The following SYNPR variants were observed in gnomAD, a reference collection of about 807,000 sequenced individuals.
SYNPR encodes synaptoporin.
SYNPR carries 23 observed loss-of-function variants against 32.9 expected under a neutral mutation model. The observed-to-expected ratio is 0.70, with a 90% confidence interval of 0.50 to 0.99. The LOEUF is 0.99. Among genes scored for constraint, SYNPR ranks in the 50% least tolerant of loss-of-function variants. The probability of loss-of-function intolerance (pLI) is 0.00; values close to 1 mark genes in which losing one functional copy is unlikely to be tolerated. For synonymous variants in SYNPR, 146 were observed against 135.9 expected, an observed-to-expected ratio of 1.07 and a Z score of -0.52; for missense variants, 318 against 349.3, an observed-to-expected ratio of 0.91 and a Z score of 0.71.
At chr3:63,407,663 G>A (rs1192548788) in intron 2 of SYNPR, among the ~76,000 whole-genome samples, 1 of 151,952 alleles carries the variant, frequency 6.6e-6, no homozygotes. Flanking sequence ...TTTGCTCAAG[G>A]AAAAAAATAT....
Position 63,317,155 on chromosome 3 carries a change from A to C in SYNPR, c.84+38413A>C, listed in dbSNP as rs146702986. ...TGTGGCTCATTTTATGGCCTATCAT[A>C]TGATCTGTCTTGGAGAAAGTTCCAT... On this transcript the variant is annotated intron_variant, in intron 2 of 5. Coordinates refer to ENST00000478300, the MANE Select transcript of SYNPR (RefSeq NM_001130003.2). Among the ~76,000 whole-genome samples, 935 of 152,090 alleles carry C rather than the reference A, an allele frequency of 6.1e-3. 13 individuals carry two copies. Among genetic ancestry groups the C allele is most frequent in the African/African-American group, 0.02 (839 of 41,536 alleles).
At chr3:63,416,818 T>C (rs1233157825) in intron 2 of SYNPR, among the ~76,000 whole-genome samples, 1 of 152,130 alleles carries the variant, frequency 6.6e-6, no homozygotes, top group Non-Finnish European at 1.5e-5. Flanking sequence ...ACTTATTCAC[T>C]ATCACAAGAA....
intron 2 of SYNPR, among the ~76,000 whole-genome samples, chr3:63,417,935 G>A (rs1358921698): frequency 6.6e-6 from 1 of 152,198 alleles, no homozygotes. Flanking sequence ...ATACTCTGGA[G>A]ACATTTTCTA....
At chr3:63,343,362 A>G (rs1483282259) in intron 2 of SYNPR, among the ~76,000 whole-genome samples, 1 of 152,146 alleles carries the variant, frequency 6.6e-6, no homozygotes, top group African/African-American at 2.4e-5. Flanking sequence ...GCCGAGGAAC[A>G]TATTATGAAG....
intron 4 of SYNPR, among the ~76,000 whole-genome samples, chr3:63,597,123 C>A (rs1236070424): frequency 3.3e-5 from 5 of 152,106 alleles, no homozygotes; most frequent in Admixed American, 6.6e-5. Flanking sequence ...ACTGTGGCTA[C>A]TTTAAAGCTT....
intron 2 of SYNPR, among the ~76,000 whole-genome samples, chr3:63,445,042 C>T (rs1488303667): frequency 6.6e-6 from 1 of 151,852 alleles, no homozygotes; most frequent in Non-Finnish European, 1.5e-5. Flanking sequence ...TGGAACATCA[C>T]CTCTTCCCCT....
chr3:63,336,045 C>G (rs2087290293), intron 2 of SYNPR, among the ~76,000 whole-genome samples: 1 of 151,980 alleles, frequency 6.6e-6, no homozygotes, highest in South Asian at 2.1e-4. Flanking sequence ...CATTAGCTTC[C>G]TTTTTTATGT....
intron 2 of SYNPR, among the ~76,000 whole-genome samples, chr3:63,286,547 T>C (rs1426598701): frequency 8.5e-6 from 1 of 117,400 alleles, no homozygotes; most frequent in Non-Finnish European, 1.8e-5. Context: ...TAGTTCTTTG[T>C]TCTGCAGACG....
At chr3:63,316,842 T>C (rs2087048154) in intron 2 of SYNPR, among the ~76,000 whole-genome samples, 1 of 152,050 alleles carries the variant, frequency 6.6e-6, no homozygotes, top group Non-Finnish European at 1.5e-5. Context: ...GTTTGTGCTC[T>C]TTCAATCTTT....
In SYNPR at chr3:63,615,303, G is replaced by A; in HGVS notation, c.680G>A (p.Gly227Glu). ...VFKETGWHSS[G>E]QRYLSDPMEK... ...AAGGAGACCGGCTGGCATTCTTCGG[G>A]ACAGAGATATCTTTCAGATCCAATG... The change falls in exon 6 of 6, where the codon GGA (glycine) becomes GAA (glutamate). Residue 227 changes from glycine to glutamate, a missense_variant. By Grantham distance (98) the Gly-to-Glu change is moderately conservative. Transcript: ENST00000478300. 1 of 1,613,816 alleles carries A rather than the reference G, an allele frequency of 6.2e-7. No homozygotes were observed.
intron 2 of SYNPR, among the ~76,000 whole-genome samples, chr3:63,473,885 G>A (rs1700849197): frequency 6.6e-6 from 1 of 152,190 alleles, no homozygotes; most frequent in South Asian, 2.1e-4. Context: ...TGTTATCATA[G>A]TCCTGGGTAC....
chr3:63,395,099 T>C (rs1996918), intron 2 of SYNPR, among the ~76,000 whole-genome samples: 33,169 of 150,510 alleles, frequency 0.22, 3,678 homozygotes, highest in Middle Eastern at 0.26. Context: ...CTACTGATCA[T>C]TAAACAATTC....
intron 2 of SYNPR, among the ~76,000 whole-genome samples, chr3:63,445,024 C>T (rs1700248045): frequency 6.6e-6 from 1 of 151,804 alleles, no homozygotes; most frequent in Admixed American, 6.6e-5. Flanking sequence ...TAAGTAAACT[C>T]ACCAGCATGG....
chr3:63,413,448 C>T (rs1181603177), intron 2 of SYNPR, among the ~76,000 whole-genome samples: 4 of 152,132 alleles, frequency 2.6e-5, no homozygotes, highest in Non-Finnish European at 5.9e-5. Flanking sequence ...TAAAAAGGAA[C>T]CCCTGAAGGC....
chr3:63,464,044 C>T (rs546274166), intron 2 of SYNPR, among the ~76,000 whole-genome samples: 44 of 152,284 alleles, frequency 2.9e-4, no homozygotes, highest in African/African-American at 1.0e-3. Flanking sequence ...CTTTCATATA[C>T]ACTTGTGAGT....
At chr3:63,206,737 T>C in the SYNPR span, among the ~76,000 whole-genome samples, 1 of 152,176 alleles carries the variant, frequency 6.6e-6, no homozygotes, top group African/African-American at 2.4e-5. Flanking sequence ...TCACTTAGCA[T>C]TCCTTGCCTC....
intron 2 of SYNPR, among the ~76,000 whole-genome samples, chr3:63,385,311 C>T (rs191528333): frequency 1.3e-5 from 2 of 152,246 alleles, no homozygotes; most frequent in East Asian, 1.9e-4. Context: ...GCAAGTGTTA[C>T]GGAGGTATTA....
intron 2 of SYNPR, among the ~76,000 whole-genome samples, chr3:63,413,718 T>C (rs956685554): frequency 1.3e-5 from 2 of 152,258 alleles, no homozygotes; most frequent in Non-Finnish European, 2.9e-5. Context: ...TTGTCTGCTG[T>C]TACATGTAAG....
intron 2 of SYNPR, among the ~76,000 whole-genome samples, chr3:63,260,241 A>G (rs1306116508): frequency 6.6e-6 from 1 of 152,240 alleles, no homozygotes; most frequent in Non-Finnish European, 1.5e-5. Flanking sequence ...ATATGGAACC[A>G]AAAACGAGCC....
Sources: gnomAD v4.1 joint callset for allele counts (sites outside exome capture counted in the v4.1 genomes callset) on GRCh38, gnomAD v4.1.1 for gene constraint, MANE v1.5 for transcripts, NCBI Gene and HGNC (gene_info 2026-07-23, HGNC 2026-07-21) for gene names.